ZNF236: variants seen among roughly 807,000 people sequenced by gnomAD.
The protein encoded by ZNF236 is regulated by glucose.
In ZNF236, 50 loss-of-function variants were observed where a neutral mutation model predicts 191.2. That is an observed-to-expected ratio of 0.26 (90% CI 0.21 to 0.33). The LOEUF (loss-of-function observed/expected upper bound fraction) is 0.33. Ranked by LOEUF, ZNF236 falls within the 10% of genes least tolerant of loss-of-function variation. The probability of loss-of-function intolerance (pLI) is 1.00; values close to 1 mark genes in which losing one functional copy is unlikely to be tolerated. For missense variants in ZNF236, 1,754 were observed against 2,374.5 expected, an observed-to-expected ratio of 0.74 and a Z score of 5.43; for synonymous variants, 907 against 928.8, an observed-to-expected ratio of 0.98 and a Z score of 0.43.
intron 1 of ZNF236, among the ~76,000 whole-genome samples, chr18:76,830,516 G>A (rs1046228535): frequency 1.1e-4 from 16 of 152,168 alleles, no homozygotes; most frequent in African/African-American, 3.9e-4. Flanking sequence ...CCGCAGGCTC[G>A]GTAGCACTTA....
At chr18:76,859,875 G>A (rs1976163620) in intron 3 of ZNF236, among the ~76,000 whole-genome samples, 1 of 152,170 alleles carries the variant, frequency 6.6e-6, no homozygotes, top group South Asian at 2.1e-4. Flanking sequence ...GGGGTGGCCT[G>A]AGGCATCTAG....
At chr18:76,939,753 T>G (rs1424387686) in intron 26 of ZNF236, among the ~76,000 whole-genome samples, 1 of 150,598 alleles carries the variant, frequency 6.6e-6, no homozygotes, top group Admixed American at 6.6e-5. Context: ...CTTTGGGAAC[T>G]CGGTGGGCGA....
At chr18:76,890,265 T>C (rs1007903542) in intron 9 of ZNF236, among the ~76,000 whole-genome samples, 2 of 152,220 alleles carry the variant, frequency 1.3e-5, no homozygotes, top group Non-Finnish European at 2.9e-5. Flanking sequence ...CTTGTAGATA[T>C]AATGCCCTTT....
chr18:76,856,790 C>G (rs1045404601), intron 3 of ZNF236, among the ~76,000 whole-genome samples: 1 of 152,150 alleles, frequency 6.6e-6, no homozygotes, highest in Non-Finnish European at 1.5e-5. Context: ...TTATTTTTCT[C>G]TTCCTGGCAG....
chr18:76,875,104 T>G lies in ZNF236; in HGVS notation c.668-388T>G, dbSNP rs1976677374. 6.6e-6 allele frequency among the ~76,000 whole-genome samples: 1 copy of G among 152,082 alleles called. No homozygotes were observed. On this transcript the variant is annotated intron_variant, in intron 5 of 30. Transcript: ENST00000320610. The surrounding 1 kb of genome is among the most constrained non-coding windows in gnomAD (Gnocchi z 4.3). ...TGAGTGATAGGGGAGTGCCTTACCC[T>G]GGGGTGGTGGTTGTGGACGGGAAGC...
At chr18:76,912,947 A>C (rs1382388436) in intron 17 of ZNF236, among the ~76,000 whole-genome samples, 1 of 152,230 alleles carries the variant, frequency 6.6e-6, no homozygotes, top group African/African-American at 2.4e-5. Flanking sequence ...GCCACCGCCA[A>C]ACCAGATTTA....
chr18:76,943,726 A>G (rs778875612), intron 26 of ZNF236, among the ~76,000 whole-genome samples: 4 of 152,242 alleles, frequency 2.6e-5, no homozygotes, highest in Non-Finnish European at 5.9e-5. Context: ...AGTTAGTTGT[A>G]AGTTTAACAC....
At chr18:76,849,809 C>G (rs1218926649) in intron 2 of ZNF236, 141 bp downstream of exon 2, 2 of 841,498 alleles carry the variant, frequency 2.4e-6, no homozygotes, top group Non-Finnish European at 3.3e-6. Context: ...ATATTTTGGC[C>G]TTTTTAAAAG....
intron 5 of ZNF236, among the ~76,000 whole-genome samples, chr18:76,872,322 A>T (rs1976603061): frequency 6.6e-6 from 1 of 152,198 alleles, no homozygotes; most frequent in Admixed American, 6.5e-5. Context: ...CTTTACAAAA[A>T]ATACAAAACT....
chr18:76,887,824 C>T (rs561269430), intron 9 of ZNF236: 10 of 152,312 alleles, frequency 6.6e-5, no homozygotes, highest in African/African-American at 2.4e-4. Flanking sequence ...AGTTACCTCC[C>T]ACCAGGTCCC....
At chr18:76,953,885 T>C (rs992220358) in intron 27 of ZNF236, among the ~76,000 whole-genome samples, 5 of 152,094 alleles carry the variant, frequency 3.3e-5, no homozygotes, top group Non-Finnish European at 7.3e-5. Flanking sequence ...CTTTCCTCCT[T>C]CTGCTTTCCA....
rs764356754 is a variant in ZNF236, at chr18:76,968,284, A to G, written c.5489A>G (p.Glu1830Gly). 6.2e-7 allele frequency: 1 copy of G among 1,611,182 alleles called. No individual in the cohort carries two copies. The highest frequency in any genetic ancestry group is 1.1e-5 in the South Asian group (1 of 90,368). Residue 1830 changes from glutamate (E) to glycine (G), a missense_variant, in exon 31 of 31, where the codon GAG (glutamate) becomes GGG (glycine). Around this residue, in one of 5 missense-constraint regions of ZNF236, gnomAD observed 606 missense variants for 761.5 expected, o/e 0.80. Coordinates refer to ENST00000320610, the MANE Select transcript of ZNF236 (RefSeq NM_001306089.2). ...GEELSRTLHL[E>G]EVVQEAAGEW... The stretch of plus-strand genomic sequence containing the variant: ...GAGCTGAGCCGGACCCTCCACCTGG[A>G]GGAGGTGGTGCAGGAGGCCGCCGGC...
chr18:76,868,461 TTC>T (rs1226794153), intron 3 of ZNF236, among the ~76,000 whole-genome samples: 1 of 152,224 alleles, frequency 6.6e-6, no homozygotes, highest in African/African-American at 2.4e-5. Context: ...TTCCCAATGT[TTC>T]TGTCTTTTTC....
chr18:76,846,693 G>A (rs757042504), intron 1 of ZNF236, among the ~76,000 whole-genome samples: 9 of 152,142 alleles, frequency 5.9e-5, no homozygotes, highest in African/African-American at 1.4e-4. Flanking sequence ...GAGACTTACC[G>A]AAATAATTAT....
In ZNF236 at chr18:76,837,844, A is replaced by G. The variant is rs373000711; in HGVS notation, c.56-11682A>G. The stretch of plus-strand genomic sequence containing the variant: ...TGTTAAAAATCAATGGATGATAAAT[A>G]TATGTGTTTACTTCTGAACTCTCAC... On this transcript the variant is annotated intron_variant, in intron 1 of 30. Transcript: ENST00000320610. Among the ~76,000 whole-genome samples the G allele has an allele frequency of 2.0e-4, 31 of 152,308 alleles. No individual in the cohort carries two copies. The South Asian group carries it at 6.4e-3, about 32-fold the overall frequency.
At chr18:76,832,017 A>C (rs1311017903) in intron 1 of ZNF236, among the ~76,000 whole-genome samples, 2 of 152,172 alleles carry the variant, frequency 1.3e-5, no homozygotes, top group Non-Finnish European at 2.9e-5. Context: ...GATCTATTTA[A>C]ATAATATTTG....
chr18:76,943,497 T>C (rs1236093441), intron 26 of ZNF236, among the ~76,000 whole-genome samples: 1 of 152,236 alleles, frequency 6.6e-6, no homozygotes, highest in Non-Finnish European at 1.5e-5. Context: ...AGAAGCAATT[T>C]ACTTATTCAT....
At chr18:76,934,609 A>G (rs529899735) in intron 25 of ZNF236, among the ~76,000 whole-genome samples, 96 of 152,362 alleles carry the variant, frequency 6.3e-4, no homozygotes, top group African/African-American at 2.3e-3. Flanking sequence ...TCTAGATTTA[A>G]GTATAATCAC....
intron 3 of ZNF236, among the ~76,000 whole-genome samples, chr18:76,861,755 T>C (rs1026241881): frequency 2.0e-5 from 3 of 152,212 alleles, no homozygotes; most frequent in Non-Finnish European, 1.5e-5. Flanking sequence ...CGTATCACTA[T>C]TGTTAGAGAT....
Sources: gnomAD v4.1 joint callset for allele counts (sites outside exome capture counted in the v4.1 genomes callset) on GRCh38, gnomAD v4.1.1 for gene constraint, gnomAD v4.1.1 regional missense constraint, Gnocchi (gnomAD v3.1) non-coding constraint, MANE v1.5 for transcripts, NCBI Gene and HGNC (gene_info 2026-07-23, HGNC 2026-07-21) for gene names.